Variants in AGBL4 observed in about 807,000 individuals in gnomAD.
AGBL4 encodes AGBL carboxypeptidase 4.
In AGBL4, 58 loss-of-function variants were observed where a neutral mutation model predicts 66.4. That is an observed-to-expected ratio of 0.87 (90% CI 0.71 to 1.09). The LOEUF (loss-of-function observed/expected upper bound fraction) is 1.09. Among genes scored for constraint, AGBL4 ranks in the 50% least tolerant of loss-of-function variants. The pLI, the probability that AGBL4 is intolerant of heterozygous loss-of-function variation, is 0.00. For synonymous variants in AGBL4, 234 were observed against 222.9 expected, an observed-to-expected ratio of 1.05 and a Z score of -0.44; for missense variants, 579 against 631.0, an observed-to-expected ratio of 0.92 and a Z score of 0.88.
intron 3 of AGBL4, among the ~76,000 whole-genome samples, chr1:49,445,758 T>C (rs1646140534): frequency 6.6e-6 from 1 of 152,132 alleles, no homozygotes; most frequent in South Asian, 2.1e-4. Flanking sequence ...CCCATTCATA[T>C]CCTGAATTGT....
intron 4 of AGBL4, among the ~76,000 whole-genome samples, chr1:49,180,397 CA>C (rs1187622980): frequency 1.3e-5 from 2 of 152,080 alleles, no homozygotes; most frequent in Non-Finnish European, 2.9e-5. Context: ...ATAATAATAG[CA>C]ATAACTGTCA....
chr1:48,577,077 T>C (rs1173772633), intron 11 of AGBL4, among the ~76,000 whole-genome samples: 2 of 152,248 alleles, frequency 1.3e-5, no homozygotes, highest in Admixed American at 6.5e-5. Flanking sequence ...TCAACAATTA[T>C]TTATTAAGCT....
intron 4 of AGBL4, among the ~76,000 whole-genome samples, chr1:49,147,081 T>C (rs530372204): frequency 1.3e-5 from 2 of 152,176 alleles, no homozygotes; most frequent in South Asian, 4.1e-4. Flanking sequence ...GAGCAGGAGA[T>C]AGGTTTTTCT....
intron 2 of AGBL4, among the ~76,000 whole-genome samples, chr1:49,743,804 C>T (rs1650757453): frequency 6.7e-6 from 1 of 148,622 alleles, no homozygotes; most frequent in Non-Finnish European, 1.5e-5. Context: ...ATCGCAAGGA[C>T]AAAAAAACCA....
intron 3 of AGBL4, among the ~76,000 whole-genome samples, chr1:49,258,950 C>T (rs536971950): frequency 3.9e-4 from 59 of 152,254 alleles, no homozygotes; most frequent in South Asian, 8.3e-4. Context: ...AGACTAAGAG[C>T]GGATCTCTCA....
intron 3 of AGBL4, among the ~76,000 whole-genome samples, chr1:49,398,333 T>TCTCTC (rs1645014062): frequency 2.8e-5 from 4 of 143,600 alleles, no homozygotes; most frequent in African/African-American, 5.2e-5. Flanking sequence ...CTCTCTCTCT[T>TCTCTC]TCTCTCTCTC....
intron 3 of AGBL4, among the ~76,000 whole-genome samples, chr1:49,317,772 T>C (rs1645065923): frequency 6.6e-6 from 1 of 151,998 alleles, no homozygotes; most frequent in African/African-American, 2.4e-5. Context: ...CTTTCAAAAA[T>C]CTAACATCTT....
chr1:49,763,466 G>A (rs1403593880), intron 2 of AGBL4, among the ~76,000 whole-genome samples: 1 of 152,092 alleles, frequency 6.6e-6, no homozygotes, highest in African/African-American at 2.4e-5. Flanking sequence ...GAAACAAAAC[G>A]GTGAGCAAAT....
chr1:49,082,667 A>C (rs1459292189), intron 4 of AGBL4, among the ~76,000 whole-genome samples: 4 of 152,172 alleles, frequency 2.6e-5, no homozygotes, highest in African/African-American at 9.7e-5. Context: ...GACAGAGCCA[A>C]ATCATATCAT....
intron 5 of AGBL4, among the ~76,000 whole-genome samples, chr1:49,009,231 C>T (rs1662156643): frequency 6.6e-6 from 1 of 152,038 alleles, no homozygotes; most frequent in African/African-American, 2.4e-5. Context: ...AAACTACCAT[C>T]AGAGAATACT....
intron 4 of AGBL4, among the ~76,000 whole-genome samples, chr1:49,081,171 C>A (rs955403557): frequency 6.6e-6 from 1 of 152,000 alleles, no homozygotes; most frequent in Non-Finnish European, 1.5e-5. Flanking sequence ...ATTTGAACAA[C>A]AAAAAAGGAT....
intron 4 of AGBL4, among the ~76,000 whole-genome samples, chr1:49,168,258 G>A (rs1646669563): frequency 1.3e-5 from 2 of 151,996 alleles, no homozygotes; most frequent in Non-Finnish European, 2.9e-5. Flanking sequence ...AGTTTCTTTC[G>A]AATACTTACC....
At chr1:49,315,010 C>G (rs922729718) in intron 3 of AGBL4, among the ~76,000 whole-genome samples, 23 of 152,126 alleles carry the variant, frequency 1.5e-4, no homozygotes, top group Admixed American at 7.2e-4. Context: ...TCAGACTACA[C>G]TACAAGACTA....
chr1:48,783,190 A>C (rs1645337310), intron 6 of AGBL4, among the ~76,000 whole-genome samples: 1 of 152,166 alleles, frequency 6.6e-6, no homozygotes, highest in South Asian at 2.1e-4. Context: ...TCAAGGAAGG[A>C]ACGTTGATAC....
intron 9 of AGBL4, among the ~76,000 whole-genome samples, chr1:48,612,215 A>C (rs1645249478): frequency 1.3e-5 from 2 of 152,230 alleles, no homozygotes; most frequent in Non-Finnish European, 2.9e-5. Flanking sequence ...CTAAGTACCT[A>C]CCATGTTCCA....
At chr1:48,923,891 G>C (rs1475097528) in intron 5 of AGBL4, among the ~76,000 whole-genome samples, 1 of 152,142 alleles carries the variant, frequency 6.6e-6, no homozygotes, top group Admixed American at 6.6e-5. Flanking sequence ...TATTGTCTTA[G>C]TTATTAGAGA....
chr1:49,859,295 T>TA (rs1012178856), intron 1 of AGBL4, among the ~76,000 whole-genome samples: 1 of 152,116 alleles, frequency 6.6e-6, no homozygotes. Flanking sequence ...AGAAGAAAAC[T>TA]AAAGACTGGT....
At chr1:49,082,783 G>T (rs1234355814) in intron 4 of AGBL4, among the ~76,000 whole-genome samples, 1 of 152,076 alleles carries the variant, frequency 6.6e-6, no homozygotes, top group East Asian at 1.9e-4. Flanking sequence ...TAACTTAAAA[G>T]TCCATAGTCC....
chr1:49,413,577 G>A (rs1004057314), intron 3 of AGBL4, among the ~76,000 whole-genome samples: 2 of 152,110 alleles, frequency 1.3e-5, no homozygotes, highest in South Asian at 2.1e-4. Flanking sequence ...AGCTCTTTGC[G>A]GTCTTGACCT....
Sources: gnomAD v4.1 joint callset for allele counts (sites outside exome capture counted in the v4.1 genomes callset) on GRCh38, gnomAD v4.1.1 for gene constraint, MANE v1.5 for transcripts, NCBI Gene and HGNC (gene_info 2026-07-23, HGNC 2026-07-21) for gene names.